NCALD: variants seen among roughly 807,000 people sequenced by gnomAD.
NCALD encodes the protein neurocalcin delta.
A neutral mutation model predicts 18.6 loss-of-function variants in NCALD; 10 were observed. The observed-to-expected ratio is 0.54, with a 90% CI of 0.33 to 0.91. The LOEUF (loss-of-function observed/expected upper bound fraction) is 0.91, where lower values mean the gene tolerates loss of function less well. Ranked by LOEUF, NCALD falls within the 40% of genes least tolerant of loss-of-function variation. The pLI is 0.03. For synonymous variants in NCALD, 88 were observed against 87.4 expected (o/e 1.01, Z -0.04); for missense variants, 184 against 247.6 (o/e 0.74, Z 1.72).
At chr8:101,960,370 G>C (rs1243004972) in intron 2 of NCALD, among the ~76,000 whole-genome samples, 1 of 152,112 alleles carries the variant, frequency 6.6e-6, no homozygotes, top group Non-Finnish European at 1.5e-5. Flanking sequence ...GTAGAATGCA[G>C]TGAAACACAC....
chr8:101,843,552 T>C (rs1814733274), intron 4 of NCALD, among the ~76,000 whole-genome samples: 1 of 152,032 alleles, frequency 6.6e-6, no homozygotes, highest in African/African-American at 2.4e-5. Flanking sequence ...ACATTGATCA[T>C]CTGATCTGTT....
chr8:101,708,956 G>C (rs1440425398), intron 2 of NCALD, among the ~76,000 whole-genome samples: 2 of 152,126 alleles, frequency 1.3e-5, no homozygotes, highest in Admixed American at 6.5e-5. Flanking sequence ...ATATCAATCT[G>C]CTTTGTCCAA....
chr8:102,080,439 C>A (rs953708652), intron 1 of NCALD, among the ~76,000 whole-genome samples: 4 of 152,186 alleles, frequency 2.6e-5, no homozygotes, highest in Non-Finnish European at 4.4e-5. Flanking sequence ...TATTTTACTG[C>A]AGATTTTAAG....
chr8:101,735,715 T>C (rs547809824), intron 1 of NCALD, among the ~76,000 whole-genome samples: 24 of 152,336 alleles, frequency 1.6e-4, no homozygotes, highest in African/African-American at 5.8e-4. Flanking sequence ...TATCCCCTCC[T>C]TCAGATTCCT....
chr8:101,817,037 C>A (rs1304507409), intron 4 of NCALD, among the ~76,000 whole-genome samples: 1 of 152,112 alleles, frequency 6.6e-6, no homozygotes, highest in Non-Finnish European at 1.5e-5. Context: ...GTGTTTCTAT[C>A]CATTTTAAGC....
chr8:101,931,727 C>T (rs1249474167), intron 2 of NCALD, among the ~76,000 whole-genome samples: 1 of 151,958 alleles, frequency 6.6e-6, no homozygotes, highest in African/African-American at 2.4e-5. Context: ...CACAACTACT[C>T]TCATGTATGG....
At chr8:101,944,389 G>C (rs1362329250) in intron 2 of NCALD, among the ~76,000 whole-genome samples, 1 of 152,224 alleles carries the variant, frequency 6.6e-6, no homozygotes, top group African/African-American at 2.4e-5. Flanking sequence ...GTAGAAAGGA[G>C]AGTGGCAGAG....
rs757694595 is a variant in NCALD, at chr8:102,079,678, C to A, written c.-210+44559G>T. On this transcript the variant is annotated intron_variant, in intron 1 of 6. Transcript: ENST00000311028. ...TAGCAACAAGGAGCCCTATGTATAGCAACAACTGCTGTCATTTTAACAGTC... is the reference window on the plus strand; with the variant it reads ...TAGCAACAAGGAGCCCTATGTATAGAAACAACTGCTGTCATTTTAACAGTC... Among the ~76,000 whole-genome samples, 7 of 152,228 alleles carry A rather than the reference C, an allele frequency of 4.6e-5. 1 individual carries two copies. Among genetic ancestry groups the A allele is most frequent in the African/African-American group, 1.4e-4 (6 of 41,458 alleles).
chr8:102,055,866 T>G (rs897366569), intron 1 of NCALD, among the ~76,000 whole-genome samples: 3 of 152,206 alleles, frequency 2.0e-5, no homozygotes, highest in Admixed American at 1.3e-4. Context: ...AAACTACTTT[T>G]AAAGCCTCAT....
chr8:101,700,245 G>A (rs1815198470), intron 2 of NCALD, among the ~76,000 whole-genome samples: 1 of 151,844 alleles, frequency 6.6e-6, no homozygotes, highest in Non-Finnish European at 1.5e-5. Context: ...AAAAATATTT[G>A]TAGAGATGGG....
At chr8:101,695,628 C>A (rs1814956111) in intron 2 of NCALD, among the ~76,000 whole-genome samples, 1 of 152,068 alleles carries the variant, frequency 6.6e-6, no homozygotes, top group Non-Finnish European at 1.5e-5. Flanking sequence ...TCCAGGAAGC[C>A]TTCCATCATC....
chr8:101,697,467 C>T (rs984080472), intron 2 of NCALD, among the ~76,000 whole-genome samples: 1 of 152,144 alleles, frequency 6.6e-6, no homozygotes, highest in Non-Finnish European at 1.5e-5. Flanking sequence ...CATTTTGATA[C>T]CAATGCCTGG....
At chr8:101,813,872 G>T (rs1813400528) in intron 4 of NCALD, among the ~76,000 whole-genome samples, 1 of 152,066 alleles carries the variant, frequency 6.6e-6, no homozygotes, top group Non-Finnish European at 1.5e-5. Context: ...TTCCCCACAT[G>T]TCAGATGCTT....
intron 4 of NCALD, among the ~76,000 whole-genome samples, chr8:101,797,351 C>A (rs79482310): frequency 0.016 from 2,407 of 152,076 alleles, 55 homozygotes; most frequent in African/African-American, 0.055. Context: ...AAAGACAATG[C>A]CAAAAATCTT....
intron 3 of NCALD, among the ~76,000 whole-genome samples, chr8:101,901,770 T>C (rs1487005653): frequency 6.6e-6 from 1 of 151,074 alleles, no homozygotes; most frequent in African/African-American, 2.5e-5. Context: ...TTACCCCATT[T>C]TTATTCTTTG....
chr8:101,959,914 T>C (rs1391976657), intron 2 of NCALD, among the ~76,000 whole-genome samples: 1 of 128,074 alleles, frequency 7.8e-6, no homozygotes, highest in Admixed American at 9.7e-5. Flanking sequence ...TACCTTAGGA[T>C]TGTACAGACA....
intron 3 of NCALD, among the ~76,000 whole-genome samples, chr8:101,690,031 T>C (rs765785497): frequency 7.9e-5 from 12 of 152,154 alleles, no homozygotes; most frequent in Admixed American, 3.3e-4. Flanking sequence ...GGGTAACCCA[T>C]GGGTTTCTGC....
intron 1 of NCALD, among the ~76,000 whole-genome samples, chr8:101,773,665 C>G (rs1347739722): frequency 6.6e-6 from 1 of 152,190 alleles, no homozygotes; most frequent in Admixed American, 6.5e-5. Flanking sequence ...GAGGCCCCAG[C>G]AGTGGCATTT....
intron 1 of NCALD, chr8:101,750,182 A>C (rs1810593155): frequency 6.6e-6 from 1 of 151,520 alleles, no homozygotes; most frequent in Non-Finnish European, 1.5e-5. Flanking sequence ...GAACAGAATG[A>C]AGAGTAACTG....
Sources: allele counts gnomAD v4.1 joint callset (sites outside exome capture counted in the v4.1 genomes callset), GRCh38; gene constraint gnomAD v4.1.1; transcripts MANE v1.5; gene names NCBI Gene and HGNC (gene_info 2026-07-23, HGNC 2026-07-21).